NFYA: variants seen among roughly 807,000 people sequenced by gnomAD.
The protein encoded by NFYA is CAAT-box DNA binding protein subunit A.
A neutral mutation model predicts 52.8 loss-of-function variants in NFYA; 28 were observed. The ratio of observed to expected loss-of-function variants is 0.53; its 90% CI spans 0.39 to 0.73. The LOEUF is 0.73. Among genes scored for constraint, NFYA ranks in the 30% least tolerant of loss-of-function variants. The pLI, the probability that NFYA is intolerant of heterozygous loss-of-function variation, is 0.00. For synonymous variants in NFYA, 150 were observed against 150.7 expected (o/e 1.00, Z 0.03); for missense variants, 234 against 427.0 (o/e 0.55, Z 3.98).
rs1439119178 is a variant in NFYA, at chr6:41,089,584, G to C, written c.315G>C (p.Gln105His). The change falls in exon 5 of 10, where the codon CAG becomes CAC. Residue 105 changes from glutamine to histidine, a missense_variant. By Grantham distance (24) the Gln-to-His change is conservative. Coordinates refer to ENST00000341376, the MANE Select transcript of NFYA (RefSeq NM_002505.5). ...VSGTQGLQQI[Q>H]LVPPGQIQIQ... is the part of the protein sequence containing the mutation. ...TTTTATGTTCTTTTCTGCAGATACAGTTGGTCCCACCTGGACAGATCCAGA... is the reference window on the plus strand; with the variant it reads ...TTTTATGTTCTTTTCTGCAGATACACTTGGTCCCACCTGGACAGATCCAGA... 4 of 1,607,718 alleles carry C rather than the reference G, an allele frequency of 2.5e-6. No homozygotes were observed. In the African/African-American group the frequency reaches 4.0e-5, roughly 16 times the overall value.
intron 1 of NFYA, among the ~76,000 whole-genome samples, chr6:41,076,751 G>C (rs374210845): frequency 1.3e-5 from 2 of 152,194 alleles, no homozygotes; most frequent in East Asian, 1.9e-4. Context: ...GGCTTAGTTT[G>C]TCATAATCTT....
In NFYA at chr6:41,093,018, G is replaced by A. The variant is rs747719395; in HGVS notation, c.821G>A (p.Arg274His). 6 of 1,614,014 alleles carry A rather than the reference G, an allele frequency of 3.7e-6. No individual in the cohort carries two copies. The highest frequency in any genetic ancestry group is 2.2e-5 in the East Asian group (1 of 44,858). ...TACGTGAATGCCAAACAATACCACCGTATTCTTAAGAGGAGGCAAGCCCGA... is the reference window on the plus strand; with the variant it reads ...TACGTGAATGCCAAACAATACCACCATATTCTTAAGAGGAGGCAAGCCCGA... ...PLYVNAKQYH[R>H]ILKRRQARAK... The change falls in exon 8 of 10, where the codon CGT (arginine) becomes CAT (histidine). Residue 274 changes from arginine (R) to histidine (H), a missense_variant. Transcript: ENST00000341376.
chr6:41,077,311 A>C (rs566079424), intron 1 of NFYA, among the ~76,000 whole-genome samples: 5 of 152,078 alleles, frequency 3.3e-5, no homozygotes, highest in African/African-American at 1.2e-4. Context: ...CACCTGTGCA[A>C]CTGCTACCAC....
At chr6:41,080,779 A>G in intron 2 of NFYA, 32 bp from the exon 3 acceptor site, 1 of 1,572,932 alleles carries the variant, frequency 6.4e-7, no homozygotes. Flanking sequence ...CCTTCCTGAC[A>G]TATTTCAAGC....
At chr6:41,089,961 A>T (rs759945853) in intron 5 of NFYA, among the ~76,000 whole-genome samples, 4 of 152,008 alleles carry the variant, frequency 2.6e-5, no homozygotes, top group African/African-American at 7.2e-5. Context: ...AAATACAAAA[A>T]TTAGGTGGGC....
At position 41,100,487 on chromosome 6, in the gene NFYA, A is replaced by G. The variant is rs1764469400; in HGVS notation, c.*3077A>G. 6.6e-6 allele frequency among the ~76,000 whole-genome samples: 1 copy of G among 152,012 alleles called. No individual in the cohort carries two copies. The highest frequency in any genetic ancestry group is 6.6e-5 in the Admixed American group (1 of 15,258). ...AAGCCTCCGATATGCCATTATCAAC[A>G]CACAAGAGACAAACAGCCCGAGGAA... is the stretch of plus-strand genomic sequence containing the variant. On this transcript the variant is annotated 3_prime_UTR_variant, in exon 10 of 10. Transcript: ENST00000341376.
rs1450095889 is a variant in NFYA at position 41,101,746 on chromosome 6, A to G, written c.*4336A>G. ...GTTTCCCATAGCTAGGCAGCCTAAG[A>G]GAGTAGGGGAAAGAGCTGGCTCCAG... is the stretch of plus-strand genomic sequence containing the variant. On this transcript the variant is annotated 3_prime_UTR_variant, in exon 10 of 10. Transcript: ENST00000341376. Among the ~76,000 whole-genome samples, 2 of 152,114 alleles carry G rather than the reference A, an allele frequency of 1.3e-5. No homozygotes were observed. Among genetic ancestry groups the G allele is most frequent in the East Asian group, 3.9e-4 (2 of 5,180 alleles).
intron 5 of NFYA, 148 bp downstream of exon 5, chr6:41,089,858 G>T: frequency 1.8e-6 from 2 of 1,112,176 alleles, no homozygotes; most frequent in Non-Finnish European, 2.5e-6. Context: ...GGTGGCTCAT[G>T]CCTGTAATCC....
intron 9 of NFYA, among the ~76,000 whole-genome samples, chr6:41,096,679 A>G (rs943211528): frequency 6.6e-6 from 1 of 152,222 alleles, no homozygotes; most frequent in Non-Finnish European, 1.5e-5. Flanking sequence ...GTATGGGGGA[A>G]CTAAAGGTGG....
intron 9 of NFYA, among the ~76,000 whole-genome samples, chr6:41,094,913 G>A (rs1242421851): frequency 1.3e-5 from 2 of 152,130 alleles, no homozygotes; most frequent in Non-Finnish European, 2.9e-5. Flanking sequence ...AATTTTCAAG[G>A]AACAAGTTTT....
rs370031965 is a variant in NFYA, at chr6:41,089,686, G to A, written c.417G>A (p.Thr139=). Residue 139 remains threonine, a synonymous_variant, in exon 5 of 10, where the codon ACG becomes ACA. Coordinates refer to ENST00000341376, the MANE Select transcript of NFYA (RefSeq NM_002505.5). ...TQQIIIQQPQ[T]AVTAGQTQTQ... ...AGATCATCATCCAGCAGCCCCAGAC[G>A]GCTGTCACTGCTGGCCAGACTCAGG... 3.9e-5 allele frequency: 63 copies of A among 1,612,578 alleles called. No homozygotes were observed. Among genetic ancestry groups the A allele is most frequent in the Non-Finnish European group, 4.7e-5 (55 of 1,179,924 alleles).
chr6:41,089,726 C>G lies in NFYA; in HGVS notation c.441+16C>G, dbSNP rs377660329. 31 of 1,609,110 alleles carry G rather than the reference C, an allele frequency of 1.9e-5. No homozygotes were observed. The African/African-American group carries it at 3.3e-4, about 17-fold the overall frequency. On this transcript the variant is annotated intron_variant, in intron 5 of 9. Coordinates refer to ENST00000341376, the MANE Select transcript of NFYA (RefSeq NM_002505.5). Reference sequence around the variant, plus strand: ...CCAGACTCAGGTAATTCCACTAGCTCTGTCACACAGGAGCAAAACTGATTT... The same window carrying G: ...CCAGACTCAGGTAATTCCACTAGCTGTGTCACACAGGAGCAAAACTGATTT...
chr6:41,082,300 T>C lies in NFYA; in HGVS notation c.162+1403T>C, dbSNP rs186803686. 2.6e-3 allele frequency among the ~76,000 whole-genome samples: 400 copies of C among 152,370 alleles called. 2 individuals are homozygous for C. Among genetic ancestry groups the C allele is most frequent in the African/African-American group, 9.3e-3 (387 of 41,580 alleles). On this transcript the variant is annotated intron_variant, in intron 3 of 9. Coordinates refer to ENST00000341376, the MANE Select transcript of NFYA (RefSeq NM_002505.5). The stretch of plus-strand genomic sequence containing the variant: ...CCAAAATTGTGTTCAAATCTCACAG[T>C]CCAACAGCTTGTTAATGTTTTTCAT...
chr6:41,090,143 C>G, intron 5 of NFYA, 61 bp from the exon 6 acceptor site: 1 of 1,150,792 alleles, frequency 8.7e-7, no homozygotes, highest in Non-Finnish European at 1.3e-6. Context: ...TTAAGGACTA[C>G]ATCGTTCTTT....
At chr6:41,089,834 T>G in intron 5 of NFYA, 124 bp downstream of exon 5, 2 of 1,383,010 alleles carry the variant, frequency 1.4e-6, no homozygotes, top group Non-Finnish European at 1.9e-6. Context: ...AAAAATATAT[T>G]TTTGGCCGGG....
intron 4 of NFYA, among the ~76,000 whole-genome samples, chr6:41,086,188 A>G (rs1391517220): frequency 6.8e-6 from 1 of 146,786 alleles, no homozygotes; most frequent in Non-Finnish European, 1.5e-5. Context: ...GGAACAGTAT[A>G]CTGTGAGTGT....
At chr6:41,084,515 G>A (rs1034641826) in intron 4 of NFYA, among the ~76,000 whole-genome samples, 36 of 152,198 alleles carry the variant, frequency 2.4e-4, no homozygotes, top group African/African-American at 8.2e-4. Flanking sequence ...ATAACAAAAC[G>A]AGCAAAAAGT....
chr6:41,085,494 AC>A (rs1582028499), intron 4 of NFYA, among the ~76,000 whole-genome samples: 1 of 151,962 alleles, frequency 6.6e-6, no homozygotes, highest in South Asian at 2.1e-4. Flanking sequence ...TTCATAACCA[AC>A]CCCCCATGAG....
intron 1 of NFYA, 127 bp downstream of exon 1, chr6:41,073,211 CGAGCCGGGCG>C (rs1236090114): frequency 6.6e-6 from 1 of 151,860 alleles, no homozygotes; most frequent in East Asian, 2.0e-4. Context: ...TGAGCCTAGC[CGAGCCGGGCG>C]GCCAGCGGCC....
Sources: allele counts gnomAD v4.1 joint callset (sites outside exome capture counted in the v4.1 genomes callset), GRCh38; gene constraint gnomAD v4.1.1; transcripts MANE v1.5; gene names NCBI Gene and HGNC (gene_info 2026-07-23, HGNC 2026-07-21).